Variants in DHRSX observed in about 807,000 individuals in gnomAD.
DHRSX encodes the protein dehydrogenase/reductase X-linked.
DHRSX carries 31 observed loss-of-function variants against 34.0 expected under a neutral mutation model. That is an observed-to-expected ratio of 0.91 (90% CI 0.69 to 1.23). The LOEUF is 1.23. Among genes scored for constraint, DHRSX ranks in the 50% most tolerant of loss-of-function variants. The pLI is 0.00. For missense variants in DHRSX, 414 were observed against 428.1 expected (o/e 0.97, Z 0.29); for synonymous variants, 201 against 183.8 (o/e 1.09, Z -0.76).
chrX:2,380,300 C>CAAAAAAAAAAAAAAAAAAAA (rs60910908), intron 3 of DHRSX, among the ~76,000 whole-genome samples: 1 of 41,602 alleles, frequency 2.4e-5, no homozygotes, highest in Non-Finnish European at 4.6e-5. Flanking sequence ...GACTCCGTCT[C>CAAAAAAAAAAAAAAAAAAAA]AAAAAAAAAA....
chrX:2,256,737 C>G (rs993762923), intron 5 of DHRSX, among the ~76,000 whole-genome samples: 1 of 151,940 alleles, frequency 6.6e-6, no homozygotes, highest in African/African-American at 2.4e-5. Context: ...GCAATTAACA[C>G]TAATTACTGG....
intron 3 of DHRSX, among the ~76,000 whole-genome samples, chrX:2,358,188 C>G (rs1360378031): frequency 3.9e-5 from 6 of 152,028 alleles, no homozygotes; most frequent in Non-Finnish European, 7.4e-5. Flanking sequence ...TCTGCACAGC[C>G]CAGGAAACTA....
At chrX:2,425,749 C>T (rs1383795617) in intron 1 of DHRSX, among the ~76,000 whole-genome samples, 1 of 152,092 alleles carries the variant, frequency 6.6e-6, no homozygotes, top group Non-Finnish European at 1.5e-5. Context: ...AGGAGACTGC[C>T]GTTAAGCAAG....
intron 1 of DHRSX, among the ~76,000 whole-genome samples, chrX:2,459,243 C>A (rs1303212900): frequency 2.0e-5 from 3 of 151,968 alleles, no homozygotes; most frequent in Non-Finnish European, 4.4e-5. Context: ...TAATACATTG[C>A]ATCTTTCAAA....
intron 1 of DHRSX, among the ~76,000 whole-genome samples, chrX:2,469,579 G>A (rs2044557777): frequency 2.0e-5 from 3 of 151,552 alleles, no homozygotes; most frequent in Admixed American, 2.0e-4. Context: ...TGTATGCACT[G>A]AAGACGTTCC....
chrX:2,261,523 G>C (rs1237965510), intron 5 of DHRSX: 2 of 152,062 alleles, frequency 1.3e-5, no homozygotes, highest in Admixed American at 1.3e-4. Flanking sequence ...TGTAATCCAC[G>C]CACTTTGGGA....
At chrX:2,262,266 C>T (rs2041373545) in intron 5 of DHRSX, among the ~76,000 whole-genome samples, 2 of 152,224 alleles carry the variant, frequency 1.3e-5, no homozygotes, top group Admixed American at 1.3e-4. Context: ...GAGAAACACG[C>T]ATGTCTTCCT....
chrX:2,253,263 C>A (rs1297560568), intron 5 of DHRSX, among the ~76,000 whole-genome samples: 3 of 151,338 alleles, frequency 2.0e-5, no homozygotes, highest in Non-Finnish European at 4.4e-5. Flanking sequence ...GCCTAGGAGG[C>A]GGACGTGGTC....
At chrX:2,343,170 T>C (rs1380895129) in intron 3 of DHRSX, among the ~76,000 whole-genome samples, 3 of 152,124 alleles carry the variant, frequency 2.0e-5, no homozygotes, top group South Asian at 2.1e-4. Context: ...CTCCCTCACA[T>C]ACAAACATTC....
At chrX:2,268,095 C>T (rs181341506) in intron 4 of DHRSX, among the ~76,000 whole-genome samples, 102 of 152,276 alleles carry the variant, frequency 6.7e-4, no homozygotes, top group Non-Finnish European at 1.2e-3. Flanking sequence ...CCCTGTCGGT[C>T]ATCATTCTAT....
chrX:2,410,174 G>T (rs189789804), intron 2 of DHRSX, among the ~76,000 whole-genome samples: 1 of 152,154 alleles, frequency 6.6e-6, no homozygotes, highest in Non-Finnish European at 1.5e-5. Flanking sequence ...TTAGGGGAAA[G>T]GAGTTTGGCA....
At chrX:2,401,648 T>C (rs1314828556) in intron 3 of DHRSX, among the ~76,000 whole-genome samples, 1 of 152,206 alleles carries the variant, frequency 6.6e-6, no homozygotes, top group African/African-American at 2.4e-5. Context: ...TCTGAGTTCA[T>C]TTGAACACGG....
At chrX:2,441,811 G>A (rs186683134) in intron 1 of DHRSX, among the ~76,000 whole-genome samples, 15 of 152,292 alleles carry the variant, frequency 9.8e-5, no homozygotes, top group African/African-American at 2.9e-4. Context: ...AGTGGTTGAC[G>A]CCTGTAATCT....
At chrX:2,469,995 AC>A (rs759544657) in intron 1 of DHRSX, among the ~76,000 whole-genome samples, 59 of 152,094 alleles carry the variant, frequency 3.9e-4, no homozygotes, top group African/African-American at 1.3e-3. Flanking sequence ...TATACAATCA[AC>A]CCATGTGTCA....
At chrX:2,378,878 G>A in intron 3 of DHRSX, among the ~76,000 whole-genome samples, 1 of 152,168 alleles carries the variant, frequency 6.6e-6, no homozygotes, top group Middle Eastern at 3.4e-3. Flanking sequence ...CCCCATGATG[G>A]TCAGGCTGGT....
At chrX:2,479,158 C>T (rs1444672431) in intron 1 of DHRSX, among the ~76,000 whole-genome samples, 3 of 148,912 alleles carry the variant, frequency 2.0e-5, no homozygotes, top group African/African-American at 7.5e-5. Flanking sequence ...GACTGCTGCC[C>T]TGTACACACT....
chrX:2,395,967 C>G (rs1245921458), intron 3 of DHRSX, among the ~76,000 whole-genome samples: 2 of 152,124 alleles, frequency 1.3e-5, no homozygotes, highest in African/African-American at 2.4e-5. Flanking sequence ...AGGAATTCAT[C>G]CTCTACTGGC....
rs962666340 is a variant in DHRSX at position 2,463,362 on chromosome X, G to A, written c.109+37455C>T. Among the ~76,000 whole-genome samples the A allele has an allele frequency of 5.3e-5, 8 of 152,060 alleles. No individual in the cohort carries two copies. In the South Asian group the frequency reaches 1.7e-3, roughly 32 times the overall value. ...GGATCAAGAATGAAAGGTGCACGAA[G>A]GCAGTGATGAATGGAAGCCCCTTCC... On this transcript the variant is annotated intron_variant, in intron 1 of 6. Transcript: ENST00000334651.
At chrX:2,250,147 G>A (rs2016402645) in intron 5 of DHRSX, among the ~76,000 whole-genome samples, 1 of 135,624 alleles carries the variant, frequency 7.4e-6, no homozygotes, top group South Asian at 2.5e-4. Flanking sequence ...GGGCAACAGA[G>A]TGAGACTCCA....
Sources: gnomAD v4.1 joint callset for allele counts (sites outside exome capture counted in the v4.1 genomes callset) on GRCh38, gnomAD v4.1.1 for gene constraint, MANE v1.5 for transcripts, NCBI Gene and HGNC (gene_info 2026-07-23, HGNC 2026-07-21) for gene names.